Variants in MEG3 observed in about 807,000 individuals in gnomAD.
MEG3 encodes the protein maternally expressed 3.
intron 3 of MEG3, chr14:100,847,691 A>G (rs1364442674): frequency 8.5e-5 from 13 of 152,196 alleles, no homozygotes; most frequent in Admixed American, 8.5e-4. Flanking sequence ...ACATGGCCCC[A>G]TGGGTCCTCC....
chr14:100,843,109 G>A (rs764583194), intron 2 of MEG3, among the ~76,000 whole-genome samples: 3 of 152,188 alleles, frequency 2.0e-5, no homozygotes, highest in Non-Finnish European at 2.9e-5. Context: ...GCAGCCTGCG[G>A]TCTGCACACA....
upstream of MEG3, chr14:100,853,154 T>C (rs979832239): frequency 6.6e-6 from 1 of 152,258 alleles, no homozygotes; most frequent in African/African-American, 2.4e-5. Flanking sequence ...GGGATCCTAG[T>C]GCTCCTGTCT....
intron 3 of MEG3, chr14:100,851,961 C>G: frequency 5.3e-6 from 1 of 188,236 alleles, no homozygotes; most frequent in Non-Finnish European, 1.1e-5. Context: ...ACCAAAGTCT[C>G]CCTTGTTGAC....
chr14:100,838,118 C>G (rs1251552120), intron 2 of MEG3, among the ~76,000 whole-genome samples: 1 of 152,094 alleles, frequency 6.6e-6, no homozygotes, highest in Non-Finnish European at 1.5e-5. Flanking sequence ...AGAATGCATT[C>G]GAGTAACTGG....
exon 1 of MEG3, chr14:100,834,816 AGG>A: frequency 2.2e-6 from 1 of 456,700 alleles, no homozygotes; most frequent in Non-Finnish European, 4.4e-6. Flanking sequence ...GAAGAGTTCT[AGG>A]TGCAAAGGCT....
At chr14:100,842,725 G>T (rs185307041) in intron 2 of MEG3, among the ~76,000 whole-genome samples, 1 of 152,346 alleles carries the variant, frequency 6.6e-6, no homozygotes, top group South Asian at 2.1e-4. Flanking sequence ...TGCCAGATCA[G>T]TTAGGTGCTG....
chr14:100,848,104 T>TA (rs1325565317), intron 3 of MEG3: 1 of 151,052 alleles, frequency 6.6e-6, no homozygotes, highest in African/African-American at 2.4e-5. Context: ...AGAGAAACAA[T>TA]AAAAAATGGG....
At chr14:100,835,890 C>T in intron 1 of MEG3, 1 of 290,632 alleles carries the variant, frequency 3.4e-6, no homozygotes, top group Non-Finnish European at 6.6e-6. Context: ...GTGGGTGTTG[C>T]CCCCGCCTGC....
chr14:100,841,491 C>T (rs1399411577), intron 2 of MEG3, among the ~76,000 whole-genome samples: 1 of 152,252 alleles, frequency 6.6e-6, no homozygotes, highest in Non-Finnish European at 1.5e-5. Flanking sequence ...TTGGGGGTCA[C>T]TGGTCCGCTG....
chr14:100,860,231 G>A (rs557375050), exon 1 of MEG3: 10 of 208,186 alleles, frequency 4.8e-5, no homozygotes, highest in Admixed American at 1.6e-4. Context: ...CACTCAGCAG[G>A]TTCAGACAGG....
chr14:100,856,253 G>T (rs949700566), upstream of MEG3: 5 of 152,416 alleles, frequency 3.3e-5, no homozygotes, highest in African/African-American at 4.8e-5. Context: ...GAGCTGTCCT[G>T]CAGGTCCCAG....
At chr14:100,852,519 T>C (rs2139999109), upstream of MEG3, 1 of 480,110 alleles carries the variant, frequency 2.1e-6, no homozygotes, top group Non-Finnish European at 4.3e-6. Context: ...CTCCAGGCTA[T>C]GCCTTGGCTG....
intron 2 of MEG3, among the ~76,000 whole-genome samples, chr14:100,840,584 G>T (rs1438175215): frequency 1.3e-5 from 2 of 152,192 alleles, no homozygotes; most frequent in Non-Finnish European, 2.9e-5. Flanking sequence ...GTTGTGTGGG[G>T]CCCCTTGCCC....
At chr14:100,828,186 C>T (rs1053404549) in intron 1 of MEG3, among the ~76,000 whole-genome samples, 3 of 151,996 alleles carry the variant, frequency 2.0e-5, no homozygotes, top group Non-Finnish European at 2.9e-5. Context: ...CGGGCCGGGG[C>T]GCCGCAGGTG....
chr14:100,839,214 G>A (rs970535227), intron 2 of MEG3, among the ~76,000 whole-genome samples: 1 of 152,124 alleles, frequency 6.6e-6, no homozygotes, highest in Non-Finnish European at 1.5e-5. Context: ...AGGGTTAAAG[G>A]GCAGTGGACA....
At chr14:100,852,266 G>T, upstream of MEG3, 1 of 509,476 alleles carries the variant, frequency 2.0e-6, no homozygotes, top group Non-Finnish European at 3.9e-6. Flanking sequence ...AAAGCTATGG[G>T]GTTATAGACA....
Position 100,836,784 on chromosome 14 carries a change from G to A in MEG3, n.3045+484G>A, listed in dbSNP as rs559820035. ...GGTAGCGTCACCCCCTGTGAGAACC[G>A]TGGTTTCTCACACATGAGGCTTTGA... On this transcript the variant is annotated intron_variant and non_coding_transcript_variant, in intron 2 of 3. Transcript: ENST00000398461. Among the ~76,000 whole-genome samples, 21 of 152,338 alleles carry A rather than the reference G, an allele frequency of 1.4e-4. No individual in the cohort carries two copies. In the East Asian group the frequency reaches 2.7e-3, roughly 20 times the overall value.
exon 1 of MEG3, chr14:100,834,653 G>T: frequency 2.2e-6 from 1 of 455,814 alleles, no homozygotes; most frequent in Non-Finnish European, 4.4e-6. Flanking sequence ...GCCATCCCGG[G>T]GTGCCCTTGA....
upstream of MEG3, chr14:100,853,159 C>T (rs2038138037): frequency 6.6e-6 from 1 of 152,214 alleles, no homozygotes; most frequent in African/African-American, 2.4e-5. Context: ...CCTAGTGCTC[C>T]TGTCTGGTCA....
Sources: allele counts gnomAD v4.1 joint callset (sites outside exome capture counted in the v4.1 genomes callset), GRCh38; gene constraint gnomAD v4.1.1; transcripts MANE v1.5; gene names NCBI Gene and HGNC (gene_info 2026-07-23, HGNC 2026-07-21).